Variants in CLEC4M observed in about 807,000 individuals in gnomAD.
CLEC4M encodes the protein CD209 antigen-like protein 1.
In CLEC4M, 25 loss-of-function variants were observed where a neutral mutation model predicts 39.1. The observed-to-expected ratio is 0.64, with a 90% CI of 0.47 to 0.89. The LOEUF is 0.89. CLEC4M is among the 40% of genes least tolerant of loss of function. The pLI is 0.00. For missense variants in CLEC4M, 353 were observed against 431.4 expected (o/e 0.82, Z 1.61); for synonymous variants, 155 against 177.4 (o/e 0.87, Z 1.00).
chr19:7,767,004 G>A, intron 5 of CLEC4M, 197 bp downstream of exon 5: 3 of 953,908 alleles, frequency 3.1e-6, no homozygotes, highest in Non-Finnish European at 3.0e-6. Flanking sequence ...GAATATTTGG[G>A]GGAAACGTCA....
chr19:7,766,167 G>A lies in CLEC4M; in HGVS notation c.744G>A (p.Gln248=). 6.2e-7 allele frequency: 1 copy of A among 1,614,218 alleles called. No homozygotes were observed. The highest frequency in any genetic ancestry group is 8.5e-7 in the Non-Finnish European group (1 of 1,180,024). ...VGELPDQSKQ[Q]QIYQELTDLK... is the part of the protein sequence containing the mutation. ...AGTTGCCAGACCAGTCCAAGCAGCAGCAAATCTATCAAGAACTGACCGATT... is the reference window on the plus strand; with the variant it reads ...AGTTGCCAGACCAGTCCAAGCAGCAACAAATCTATCAAGAACTGACCGATT... The change falls in exon 4 of 7, where the codon CAG becomes CAA. Residue 248 remains glutamine, a synonymous_variant. Transcript: ENST00000327325.
intron 3 of CLEC4M, 33 bp from the exon 4 acceptor site, chr19:7,765,605 T>G (rs1288775941): frequency 6.2e-7 from 1 of 1,613,080 alleles, no homozygotes; most frequent in Non-Finnish European, 8.5e-7. Flanking sequence ...AGTAGGTGTT[T>G]AATAATTGCA....
chr19:7,767,534 A>T lies in CLEC4M; in HGVS notation c.955A>T (p.Thr319Ser), dbSNP rs762825731. 9.3e-6 allele frequency: 15 copies of T among 1,614,106 alleles called. No homozygotes were observed. The highest frequency in any genetic ancestry group is 1.1e-5 in the Non-Finnish European group (13 of 1,179,982). The change falls in exon 6 of 7, where the codon ACT (threonine) becomes TCT (serine). Residue 319 changes from threonine to serine, a missense_variant. Coordinates refer to ENST00000327325, the MANE Select transcript of CLEC4M (RefSeq NM_014257.5). ...AEEQNFLQLQ[T>S]SRSNRFSWMG... ...CCTCCAGAACTTCCTACAGCTGCAG[A>T]CTTCCAGGAGTAACCGCTTCTCCTG...
intron 6 of CLEC4M, 178 bp downstream of exon 6, chr19:7,767,806 C>A: frequency 1.8e-6 from 1 of 571,340 alleles, no homozygotes. Context: ...ATGAAAGGTG[C>A]CAAGAATTCC....
At chr19:7,768,541 C>T in intron 6 of CLEC4M, 1 of 222,282 alleles carries the variant, frequency 4.5e-6, no homozygotes, top group South Asian at 8.3e-5. Context: ...CATGCCACTG[C>T]ACTCCAGCCT....
chr19:7,766,459 A>G (rs759059838), intron 4 of CLEC4M, 197 bp from the exon 5 acceptor site: 100 of 1,453,402 alleles, frequency 6.9e-5, no homozygotes, highest in Non-Finnish European at 8.1e-5. Flanking sequence ...AGATGGAGCC[A>G]GGACTCCTGG....
At position 7,767,556 on chromosome 19, in the gene CLEC4M, C is replaced by T; in HGVS notation, c.977C>T (p.Ser326Phe). 1 of 1,614,206 alleles carries T rather than the reference C, an allele frequency of 6.2e-7. No individual in the cohort carries two copies. The highest frequency in any genetic ancestry group is 8.5e-7 in the Non-Finnish European group (1 of 1,180,030). ...QLQTSRSNRF[S>F]WMGLSDLNQE... The stretch of plus-strand genomic sequence containing the variant: ...CAGACTTCCAGGAGTAACCGCTTCT[C>T]CTGGATGGGACTTTCAGACCTAAAT... The change falls in exon 6 of 7, where the codon TCC becomes TTC. Residue 326 changes from serine (S) to phenylalanine (F), a missense_variant. Around this residue, in one of 4 missense-constraint regions of CLEC4M, gnomAD observed 196 missense variants for 211.7 expected, o/e 0.93. Coordinates refer to ENST00000327325, the MANE Select transcript of CLEC4M (RefSeq NM_014257.5).
rs1403082130 is a variant in CLEC4M, at chr19:7,766,110, G to T, written c.687G>T (p.Gln229His). 2 of 1,613,022 alleles carry T rather than the reference G, an allele frequency of 1.2e-6. No homozygotes were observed. Among genetic ancestry groups the T allele is most frequent in the African/African-American group, 2.7e-5 (2 of 74,852 alleles). The change falls in exon 4 of 7, where the codon CAG (glutamine) becomes CAT (histidine). Residue 229 changes from glutamine (Q) to histidine (H), a missense_variant. Physicochemically the swap from Gln to His is conservative, Grantham distance 24 (BLOSUM62 0). Coordinates refer to ENST00000327325, the MANE Select transcript of CLEC4M (RefSeq NM_014257.5). The part of the protein sequence containing the change: ...PEKSKLQEIY[Q>H]ELTQLKAAVG... ...AATCCAAGCTGCAGGAGATCTACCAGGAGCTGACCCAGCTGAAGGCTGCAG... is the reference window on the plus strand; with the variant it reads ...AATCCAAGCTGCAGGAGATCTACCATGAGCTGACCCAGCTGAAGGCTGCAG...
intron 5 of CLEC4M, 35 bp from the exon 6 acceptor site, chr19:7,767,481 C>T (rs1285515832): frequency 6.5e-7 from 1 of 1,527,712 alleles, no homozygotes; most frequent in East Asian, 2.3e-5. Context: ...AAATGGGAAG[C>T]AGAGCTCCCT....
In CLEC4M at chr19:7,763,315, A is replaced by G. The variant is rs568840510; in HGVS notation, c.46+3A>G. The G allele has an allele frequency of 8.7e-6, 14 of 1,610,506 alleles. No individual in the cohort carries two copies. The African/African-American group carries it at 1.9e-4, about 21-fold the overall frequency. On this transcript the variant is annotated splice_donor_region_variant and intron_variant, in intron 1 of 6. Transcript: ENST00000327325. ...GGTGCAGCAGCTGGGCCTCCTGGGT[A>G]AGGCTGGGTTGGAACTCTGGGATCC...
chr19:7,767,388 G>T (rs948617263), intron 5 of CLEC4M, 128 bp from the exon 6 acceptor site: 3 of 664,256 alleles, frequency 4.5e-6, no homozygotes, highest in Non-Finnish European at 7.9e-6. Context: ...ACATGAGGAG[G>T]CTCAGGACCT....
rs762704686 is a variant in CLEC4M at position 7,767,498 on chromosome 19, T to G, written c.937-18T>G. ...ATGGGAAGCAGAGCTCCCTCCTGAC[T>G]CCTCCTCTACCCTCCAGAACTTCCT... On this transcript the variant is annotated intron_variant, in intron 5 of 6. Transcript: ENST00000327325. 47 of 1,597,710 alleles carry G rather than the reference T, an allele frequency of 2.9e-5. No homozygotes were observed. The highest frequency in any genetic ancestry group is 3.9e-5 in the Non-Finnish European group (46 of 1,165,336).
In CLEC4M at chr19:7,767,567, C is replaced by T; in HGVS notation, c.988C>T (p.Leu330Phe). The T allele has an allele frequency of 6.2e-7, 1 of 1,614,230 alleles. No individual in the cohort carries two copies. The change falls in exon 6 of 7, where the codon CTT becomes TTT. Residue 330 changes from leucine to phenylalanine, a missense_variant. Physicochemically the swap from Leu to Phe is conservative, Grantham distance 22. Around this residue, in one of 4 missense-constraint regions of CLEC4M, gnomAD observed 196 missense variants for 211.7 expected, o/e 0.93. Coordinates refer to ENST00000327325, the MANE Select transcript of CLEC4M (RefSeq NM_014257.5). ...SRSNRFSWMG[L>F]SDLNQEGTWQ... Reference sequence around the variant, plus strand: ...GAGTAACCGCTTCTCCTGGATGGGACTTTCAGACCTAAATCAGGAAGGCAC... The same window carrying T: ...GAGTAACCGCTTCTCCTGGATGGGATTTTCAGACCTAAATCAGGAAGGCAC...
Position 7,769,217 on chromosome 19 carries a change from A to C in CLEC4M, c.*229A>C. 2.2e-6 allele frequency: 1 copy of C among 446,042 alleles called. No homozygotes were observed. The highest frequency in any genetic ancestry group is 3.4e-5 in the Admixed American group (1 of 29,302). 27.6% of individuals were successfully genotyped at this position (446,042 alleles called of 1,614,324 possible). The stretch of plus-strand genomic sequence containing the variant: ...GCCCATCCTTGGAGCTTTATAAGTG[A>C]CCTGAGTGGGATGCATTTAGGGGGC... On this transcript the variant is annotated 3_prime_UTR_variant, in exon 7 of 7. Transcript: ENST00000327325.
At position 7,769,569 on chromosome 19, in the gene CLEC4M, T is replaced by C. The variant is rs956492773; in HGVS notation, c.*581T>C. The C allele has an allele frequency of 2.6e-5, 4 of 152,638 alleles. No individual in the cohort carries two copies. Among genetic ancestry groups the C allele is most frequent in the Admixed American group, 2.6e-4 (4 of 15,368 alleles). The allele number at this position is 152,638 out of a possible 1,614,324, so 9.5% of individuals were successfully genotyped here. ...CTTCCATTTGGCTGTTTCTGAGTTG[T>C]AGCCTTTATAATAAAGTGGTAAATG... On this transcript the variant is annotated 3_prime_UTR_variant, in exon 7 of 7. Transcript: ENST00000327325.
intron 4 of CLEC4M, 186 bp downstream of exon 4, chr19:7,766,393 C>CA (rs1240469500): frequency 1.4e-6 from 2 of 1,461,420 alleles, no homozygotes; most frequent in South Asian, 1.4e-5. Context: ...TCAGTTCAAC[C>CA]AATCCGCTGC....
Position 7,767,699 on chromosome 19 carries a change from C to T in CLEC4M, c.1049+71C>T. On this transcript the variant is annotated intron_variant, in intron 6 of 6. Coordinates refer to ENST00000327325, the MANE Select transcript of CLEC4M (RefSeq NM_014257.5). The stretch of plus-strand genomic sequence containing the variant: ...CCTGCAACTCTGACTTGAGCTTTCC[C>T]TGGGGGTCCCCCCCAACCTCCCTGA... 5 of 1,383,054 alleles carry T rather than the reference C, an allele frequency of 3.6e-6. No individual in the cohort carries two copies. In the South Asian group the frequency reaches 4.7e-5, roughly 13 times the overall value. 85.7% of individuals were successfully genotyped at this position (1,383,054 alleles called of 1,614,324 possible).
chr19:7,767,486 C>T, intron 5 of CLEC4M, 30 bp from the exon 6 acceptor site: 1 of 1,546,094 alleles, frequency 6.5e-7, no homozygotes, highest in Non-Finnish European at 8.9e-7. Context: ...GGAAGCAGAG[C>T]TCCCTCCTGA....
chr19:7,765,582 G>A (rs772626777), intron 3 of CLEC4M, 56 bp from the exon 4 acceptor site: 27 of 1,609,126 alleles, frequency 1.7e-5, no homozygotes, highest in East Asian at 4.5e-5. Context: ...GCTCAGTTCA[G>A]GGCTTGGCAC....
Sources: gnomAD v4.1 joint callset for allele counts on GRCh38, gnomAD v4.1.1 for gene constraint, gnomAD v4.1.1 regional missense constraint, MANE v1.5 for transcripts, NCBI Gene and HGNC (gene_info 2026-07-23, HGNC 2026-07-21) for gene names.